FBXL4: variants seen among roughly 807,000 people sequenced by gnomAD.
FBXL4 encodes F-box and leucine rich repeat protein 4.
FBXL4 carries 40 observed loss-of-function variants against 58.9 expected under a neutral mutation model. The observed-to-expected ratio is 0.68, with a 90% CI of 0.53 to 0.88. The LOEUF (loss-of-function observed/expected upper bound fraction) is 0.88, where lower values mean the gene tolerates loss of function less well. FBXL4 is among the 40% of genes least tolerant of loss of function. The pLI, the probability that FBXL4 is intolerant of heterozygous loss-of-function variation, is 0.00. For missense variants in FBXL4, 676 were observed against 734.4 expected (o/e 0.92, Z 0.92); for synonymous variants, 263 against 265.5 (o/e 0.99, Z 0.09).
At chr6:98,931,230 C>T (rs1489440702) in intron 2 of FBXL4, among the ~76,000 whole-genome samples, 9 of 152,216 alleles carry the variant, frequency 5.9e-5, no homozygotes, top group Admixed American at 3.9e-4. Flanking sequence ...TTCTGTTTGA[C>T]ATACCAAGCT....
At position 98,875,506 on chromosome 6, in the gene FBXL4, T is replaced by C; in HGVS notation, c.1611A>G (p.Lys537=). The C allele has an allele frequency of 6.2e-7, 1 of 1,613,280 alleles. No individual in the cohort carries two copies. Among genetic ancestry groups the C allele is most frequent in the East Asian group, 2.2e-5 (1 of 44,836 alleles). The change falls in exon 9 of 10, where the codon AAA becomes AAG. Residue 537 remains lysine, a synonymous_variant. Transcript: ENST00000369244. ...CAGATCTATTAGCTGTAAGAAAGAG[T>C]TTTTGCAAGTTTGGGAGCTGGTGTG... The part of the protein sequence containing the change: ...RLAHQLPNLQ[K]LFLTANRSVC...
intron 5 of FBXL4, among the ~76,000 whole-genome samples, chr6:98,910,934 G>A (rs1772028115): frequency 6.6e-6 from 1 of 152,190 alleles, no homozygotes; most frequent in South Asian, 2.1e-4. Flanking sequence ...TCAAGGAAAG[G>A]GGTGACAGAT....
chr6:98,912,317 T>A (rs1772121236), intron 5 of FBXL4, among the ~76,000 whole-genome samples: 1 of 152,124 alleles, frequency 6.6e-6, no homozygotes, highest in South Asian at 2.1e-4. Flanking sequence ...ATTCAGGAGA[T>A]ACAGAGAACG....
chr6:98,897,446 C>A, intron 7 of FBXL4: 1 of 667,506 alleles, frequency 1.5e-6, no homozygotes, highest in Non-Finnish European at 1.9e-6. Flanking sequence ...CCTAGATTAC[C>A]AAGCTTATTG....
intron 7 of FBXL4, among the ~76,000 whole-genome samples, chr6:98,892,382 G>A (rs374991161): frequency 6.6e-6 from 1 of 152,158 alleles, no homozygotes; most frequent in East Asian, 1.9e-4. Context: ...CTCTGTAAGT[G>A]AGAAGCCACC....
At chr6:98,908,616 TG>T (rs1319862023) in intron 5 of FBXL4, among the ~76,000 whole-genome samples, 2 of 152,176 alleles carry the variant, frequency 1.3e-5, no homozygotes, top group Admixed American at 1.3e-4. Context: ...CCATAAAAAT[TG>T]TATGAAAGTA....
chr6:98,922,754 G>T (rs775562037), intron 4 of FBXL4, among the ~76,000 whole-genome samples: 4 of 152,096 alleles, frequency 2.6e-5, no homozygotes, highest in Non-Finnish European at 5.9e-5. Flanking sequence ...CTCTTCACTG[G>T]TTAATTTTTT....
chr6:98,886,332 G>A (rs927028404), intron 7 of FBXL4, among the ~76,000 whole-genome samples: 1 of 152,102 alleles, frequency 6.6e-6, no homozygotes, highest in African/African-American at 2.4e-5. Flanking sequence ...GTGTGGGTGT[G>A]TATAAAACTT....
chr6:98,939,834 T>G (rs1276334673), intron 1 of FBXL4, among the ~76,000 whole-genome samples: 1 of 152,264 alleles, frequency 6.6e-6, no homozygotes, highest in Non-Finnish European at 1.5e-5. Context: ...CACTTCTTAC[T>G]GTAATACACA....
chr6:98,913,717 A>G (rs887848362), intron 5 of FBXL4, among the ~76,000 whole-genome samples: 3 of 152,256 alleles, frequency 2.0e-5, no homozygotes, highest in Non-Finnish European at 2.9e-5. Flanking sequence ...AAAGCAGGAA[A>G]GATCTAAAAT....
chr6:98,904,431 T>C (rs1389518176), intron 6 of FBXL4, among the ~76,000 whole-genome samples: 1 of 152,192 alleles, frequency 6.6e-6, no homozygotes, highest in African/African-American at 2.4e-5. Context: ...GAACACATTG[T>C]TACTATTTCA....
intron 7 of FBXL4, among the ~76,000 whole-genome samples, chr6:98,895,888 T>C (rs535739426): frequency 6.6e-6 from 1 of 152,140 alleles, no homozygotes; most frequent in East Asian, 1.9e-4. Flanking sequence ...TGTAACAGTA[T>C]TGTATCATAA....
At chr6:98,897,138 T>A in intron 7 of FBXL4, 4 of 981,336 alleles carry the variant, frequency 4.1e-6, no homozygotes, top group Middle Eastern at 1.1e-3. Flanking sequence ...CTATATTTCT[T>A]ATTAAACAAT....
At chr6:98,942,299 G>C (rs1773461887) in intron 1 of FBXL4, among the ~76,000 whole-genome samples, 2 of 152,038 alleles carry the variant, frequency 1.3e-5, no homozygotes, top group South Asian at 4.2e-4. Flanking sequence ...TACGATACTA[G>C]CAAAATTTTA....
Position 98,896,714 on chromosome 6 carries a change from A to G in FBXL4, c.1317+2554T>C, listed in dbSNP as rs141192137. 33 of 839,164 alleles carry G rather than the reference A, an allele frequency of 3.9e-5. 1 individual carries two copies. The African/African-American group carries it at 4.8e-4, about 12-fold the overall frequency. The allele number at this position is 839,164 out of a possible 1,614,324, so 52.0% of individuals were successfully genotyped here. A position where few individuals can be genotyped will look rare whatever the true frequency, so the allele number is the denominator to read the frequency against. ...TTTACCAGATGAGCCAATAAAAAAA[A>G]TTTAATAGGAAGTAACAGAGGGTAC... is the stretch of plus-strand genomic sequence containing the variant. On this transcript the variant is annotated intron_variant, in intron 7 of 9. Transcript: ENST00000369244.
intron 7 of FBXL4, among the ~76,000 whole-genome samples, chr6:98,886,461 C>A (rs1158992207): frequency 6.6e-6 from 1 of 152,188 alleles, no homozygotes; most frequent in Non-Finnish European, 1.5e-5. Context: ...TTCCTAATGA[C>A]TATACTTTAT....
intron 6 of FBXL4, among the ~76,000 whole-genome samples, chr6:98,903,866 T>C (rs1771703987): frequency 1.3e-5 from 2 of 152,188 alleles, no homozygotes; most frequent in South Asian, 4.1e-4. Flanking sequence ...GATATGTTTA[T>C]ATGTTTATCT....
intron 5 of FBXL4, among the ~76,000 whole-genome samples, chr6:98,910,375 C>T (rs879701602): frequency 1.3e-5 from 2 of 152,102 alleles, no homozygotes; most frequent in Non-Finnish European, 2.9e-5. Flanking sequence ...AATTCCAGGC[C>T]GGGCACGGTG....
At chr6:98,888,119 G>A (rs1236468062) in intron 7 of FBXL4, among the ~76,000 whole-genome samples, 1 of 152,198 alleles carries the variant, frequency 6.6e-6, no homozygotes, top group Non-Finnish European at 1.5e-5. Flanking sequence ...TCCAGATACA[G>A]AAGGACCTGA....
Sources: gnomAD v4.1 joint callset for allele counts (sites outside exome capture counted in the v4.1 genomes callset) on GRCh38, gnomAD v4.1.1 for gene constraint, MANE v1.5 for transcripts, NCBI Gene and HGNC (gene_info 2026-07-23, HGNC 2026-07-21) for gene names.